ATG10: variants seen among roughly 807,000 people sequenced by gnomAD.
ATG10 encodes autophagy related 10, also known as ubiquitin-like-conjugating enzyme ATG10.
In ATG10, 30 loss-of-function variants were observed where a neutral mutation model predicts 32.1. That is an observed-to-expected ratio of 0.94 (90% CI 0.70 to 1.27). The LOEUF (loss-of-function observed/expected upper bound fraction) is 1.27. Ranked by LOEUF, ATG10 falls within the 50% of genes most tolerant of loss-of-function variation. The pLI, the probability that ATG10 is intolerant of heterozygous loss-of-function variation, is 0.00. For synonymous variants in ATG10, 87 were observed against 91.5 expected (o/e 0.95, Z 0.28); for missense variants, 233 against 262.3 (o/e 0.89, Z 0.77).
intron 3 of ATG10, among the ~76,000 whole-genome samples, chr5:82,145,002 T>G (rs1482158595): frequency 1.3e-5 from 2 of 152,134 alleles, no homozygotes; most frequent in Non-Finnish European, 2.9e-5. Context: ...CTGATGACTA[T>G]TTGAAAAAAT....
intron 2 of ATG10, among the ~76,000 whole-genome samples, chr5:81,999,733 A>C (rs1561247692): frequency 6.6e-6 from 1 of 152,152 alleles, no homozygotes; most frequent in Non-Finnish European, 1.5e-5. Flanking sequence ...TACAAAAAAA[A>C]AATCCCGCAG....
At chr5:82,030,155 G>T (rs1484421416) in intron 2 of ATG10, among the ~76,000 whole-genome samples, 1 of 152,046 alleles carries the variant, frequency 6.6e-6, no homozygotes, top group Non-Finnish European at 1.5e-5. Flanking sequence ...GCCTCTTCAC[G>T]GACTGTGACT....
At chr5:82,131,721 T>C (rs1396099144) in intron 3 of ATG10, among the ~76,000 whole-genome samples, 1 of 151,968 alleles carries the variant, frequency 6.6e-6, no homozygotes, top group East Asian at 1.9e-4. Flanking sequence ...TTCTCATCAG[T>C]AATATCTGGG....
chr5:82,123,517 AT>A (rs1766130180), intron 3 of ATG10, among the ~76,000 whole-genome samples: 1 of 145,816 alleles, frequency 6.9e-6, no homozygotes, highest in African/African-American at 2.5e-5. Context: ...TAAACCTAAA[AT>A]AAAAGTAAAA....
At chr5:82,103,809 C>A (rs1765359522) in intron 3 of ATG10, among the ~76,000 whole-genome samples, 1 of 152,062 alleles carries the variant, frequency 6.6e-6, no homozygotes, top group Non-Finnish European at 1.5e-5. Flanking sequence ...GCAACCAATT[C>A]CCAGATGAAG....
At chr5:81,993,324 T>TTTCCTTCCTTCCTTCCTTCCTTCCTTCC (rs1482074846) in intron 2 of ATG10, among the ~76,000 whole-genome samples, 2 of 103,204 alleles carry the variant, frequency 1.9e-5, no homozygotes, top group African/African-American at 8.4e-5. Context: ...TCTTTCTTTC[T>TTTCCTTCCTTCCTTCCTTCCTTCCTTCC]TTCCTTCCTT....
At chr5:82,010,084 G>A in intron 2 of ATG10, 3 of 1,607,544 alleles carry the variant, frequency 1.9e-6, no homozygotes. Context: ...AACACGGTGG[G>A]GTTGACCATG....
chr5:82,177,751 CAACTT>C (rs1237401000), intron 4 of ATG10, among the ~76,000 whole-genome samples: 7 of 152,060 alleles, frequency 4.6e-5, no homozygotes, highest in African/African-American at 1.4e-4. Flanking sequence ...ATAATTGAAA[CAACTT>C]AAAGAAAAAG....
intron 1 of ATG10, among the ~76,000 whole-genome samples, chr5:81,984,208 C>T (rs911952646): frequency 1.3e-5 from 2 of 152,254 alleles, no homozygotes; most frequent in African/African-American, 4.8e-5. Context: ...GCGGATCACT[C>T]GCGGTTAGGA....
chr5:82,002,888 T>C (rs1329842507), intron 2 of ATG10, among the ~76,000 whole-genome samples: 1 of 152,208 alleles, frequency 6.6e-6, no homozygotes. Context: ...CCCTGTGACA[T>C]GCAGTTTACC....
intron 3 of ATG10, among the ~76,000 whole-genome samples, chr5:82,100,000 G>GT (rs869311526): frequency 0.22 from 13,092 of 58,864 alleles, 4,461 homozygotes; most frequent in Non-Finnish European, 0.27. Flanking sequence ...CTTTTTCTGT[G>GT]TTTTTTTTTT....
intron 2 of ATG10, among the ~76,000 whole-genome samples, chr5:82,024,595 T>A (rs1485531257): frequency 2.0e-5 from 3 of 152,222 alleles, no homozygotes; most frequent in African/African-American, 7.2e-5. Flanking sequence ...CACAGATGGT[T>A]TGAAAAGCAT....
At chr5:82,130,754 C>G (rs1443995622) in intron 3 of ATG10, among the ~76,000 whole-genome samples, 1 of 152,144 alleles carries the variant, frequency 6.6e-6, no homozygotes, top group African/African-American at 2.4e-5. Flanking sequence ...CTGCATTGAT[C>G]TCACTGGGAG....
chr5:82,211,898 C>A (rs1256508206), intron 5 of ATG10, among the ~76,000 whole-genome samples: 1 of 151,578 alleles, frequency 6.6e-6, no homozygotes, highest in East Asian at 1.9e-4. Flanking sequence ...AATAATCATT[C>A]TCTTTCAAAC....
At chr5:82,221,229 A>G (rs1208699944) in intron 5 of ATG10, among the ~76,000 whole-genome samples, 1 of 151,900 alleles carries the variant, frequency 6.6e-6, no homozygotes, top group Non-Finnish European at 1.5e-5. Flanking sequence ...TTCTCTCTTT[A>G]GCATTCCCAG....
At chr5:82,049,357 A>T (rs1255830127) in intron 2 of ATG10, among the ~76,000 whole-genome samples, 1 of 133,466 alleles carries the variant, frequency 7.5e-6, no homozygotes, top group African/African-American at 2.8e-5. Context: ...ATGAGAACAC[A>T]TGGACACAGG....
chr5:82,050,597 G>A (rs1763379749), intron 2 of ATG10, among the ~76,000 whole-genome samples: 3 of 151,862 alleles, frequency 2.0e-5, no homozygotes, highest in South Asian at 2.1e-4. Context: ...GAAGTAAGTA[G>A]TATAATAGGG....
intron 5 of ATG10, among the ~76,000 whole-genome samples, chr5:82,180,474 C>A (rs1360905518): frequency 6.6e-6 from 1 of 152,056 alleles, no homozygotes; most frequent in African/African-American, 2.4e-5. Flanking sequence ...ATGAGAAAAC[C>A]AACCCTAAAG....
chr5:82,221,403 T>A (rs1745920669), intron 5 of ATG10, among the ~76,000 whole-genome samples: 1 of 152,214 alleles, frequency 6.6e-6, no homozygotes, highest in South Asian at 2.1e-4. Flanking sequence ...TTCAATGACA[T>A]GACTGATCTG....
Sources: allele counts gnomAD v4.1 joint callset (sites outside exome capture counted in the v4.1 genomes callset), GRCh38; gene constraint gnomAD v4.1.1; transcripts MANE v1.5; gene names NCBI Gene and HGNC (gene_info 2026-07-23, HGNC 2026-07-21).